Variants in CSE1L observed in about 807,000 individuals in gnomAD.
CSE1L encodes the protein chromosome segregation 1 like.
CSE1L carries 24 observed loss-of-function variants against 120.4 expected under a neutral mutation model. The observed-to-expected ratio is 0.20, with a 90% CI of 0.14 to 0.28. CSE1L has a LOEUF of 0.28. Among genes scored for constraint, CSE1L ranks in the 10% least tolerant of loss-of-function variants. The pLI is 1.00. For missense variants in CSE1L, 830 were observed against 1,145.2 expected (o/e 0.72, Z 3.97); for synonymous variants, 402 against 398.3 (o/e 1.01, Z -0.11).
At position 49,076,520 on chromosome 20, in the gene CSE1L, C is replaced by CTTT. The variant is rs35713931; in HGVS notation, c.1336-435_1336-433dup. On this transcript the variant is annotated intron_variant, in intron 12 of 24. Coordinates refer to ENST00000262982, the MANE Select transcript of CSE1L (RefSeq NM_001316.4). ...CATGTTTTGAAGTGTCCCTCTCTCT[C>CTTT]TTTTTTTTTTTTTTTTTTTTTTTTT... 5.3e-3 allele frequency among the ~76,000 whole-genome samples: 423 copies of CTTT among 79,620 alleles called. 13 individuals carry two copies. Among genetic ancestry groups the CTTT allele is most frequent in the Middle Eastern group, 0.018 (2 of 112 alleles). 52.2% of individuals were successfully genotyped at this position (79,620 alleles called of 152,430 possible). A position where few individuals can be genotyped will look rare whatever the true frequency, so the allele number is the denominator to read the frequency against.
intron 1 of CSE1L, among the ~76,000 whole-genome samples, chr20:49,048,584 G>A (rs749925385): frequency 2.6e-5 from 4 of 152,156 alleles, no homozygotes; most frequent in Non-Finnish European, 5.9e-5. Context: ...AACATTCCAG[G>A]TAGAGGGAAT....
chr20:49,076,708 T>G (rs2091971313), intron 12 of CSE1L, among the ~76,000 whole-genome samples: 1 of 151,620 alleles, frequency 6.6e-6, no homozygotes, highest in Non-Finnish European at 1.5e-5. Context: ...TTTTTGTGTT[T>G]TTAGTAGAGA....
At chr20:49,047,512 T>TCC (rs2091724442) in intron 1 of CSE1L, among the ~76,000 whole-genome samples, 2 of 149,220 alleles carry the variant, frequency 1.3e-5, no homozygotes, top group South Asian at 4.3e-4. Flanking sequence ...ACCTTAGGCC[T>TCC]CCCCTAACCA....
At chr20:49,086,440 A>G (rs558235258) in intron 16 of CSE1L, among the ~76,000 whole-genome samples, 71 of 131,926 alleles carry the variant, frequency 5.4e-4, no homozygotes, top group Non-Finnish European at 8.9e-4. Flanking sequence ...ATCTCAGCTC[A>G]CTGCAGCCTC....
chr20:49,054,359 G>C (rs1353836260), intron 1 of CSE1L, among the ~76,000 whole-genome samples: 1 of 152,084 alleles, frequency 6.6e-6, no homozygotes, highest in East Asian at 1.9e-4. Context: ...TTATTTTCTG[G>C]CTCCCCACCG....
intron 12 of CSE1L, 48 bp downstream of exon 12, chr20:49,075,568 A>G (rs755811765): frequency 6.8e-7 from 1 of 1,463,576 alleles, no homozygotes; most frequent in Non-Finnish European, 9.5e-7. Context: ...CATCAGTGAC[A>G]CCCACACAAG....
At chr20:49,062,500 A>AT (rs1317834919) in intron 2 of CSE1L, among the ~76,000 whole-genome samples, 1 of 152,104 alleles carries the variant, frequency 6.6e-6, no homozygotes, top group Non-Finnish European at 1.5e-5. Context: ...CTATTGGTAA[A>AT]TTTTTTGGAT....
chr20:49,062,148 GCTA>G (rs1461320141), intron 2 of CSE1L, among the ~76,000 whole-genome samples: 1 of 152,090 alleles, frequency 6.6e-6, no homozygotes, highest in Non-Finnish European at 1.5e-5. Flanking sequence ...CAAAATGCTG[GCTA>G]CTAAGTGGAG....
At chr20:49,047,041 C>T (rs1172803127) in intron 1 of CSE1L, among the ~76,000 whole-genome samples, 1 of 152,236 alleles carries the variant, frequency 6.6e-6, no homozygotes, top group Non-Finnish European at 1.5e-5. Context: ...CTAGTCGGTA[C>T]ACCCGGGACA....
chr20:49,058,021 T>A (rs1294440351), intron 1 of CSE1L, among the ~76,000 whole-genome samples: 1 of 152,140 alleles, frequency 6.6e-6, no homozygotes, highest in Non-Finnish European at 1.5e-5. Context: ...TCCACCCACC[T>A]CAGCCTCCCA....
At chr20:49,076,511 C>T (rs1568777514) in intron 12 of CSE1L, among the ~76,000 whole-genome samples, 1 of 144,932 alleles carries the variant, frequency 6.9e-6, no homozygotes. Context: ...TTGAAGTGTC[C>T]CTCTCTCTCT....
chr20:49,058,324 C>A (rs935687683), intron 1 of CSE1L, 129 bp from the exon 2 acceptor site: 37 of 520,440 alleles, frequency 7.1e-5, no homozygotes, highest in Non-Finnish European at 1.2e-4. Flanking sequence ...GTCAGGTTTA[C>A]TGCCCATATA....
At chr20:49,083,739 A>T (rs1421714576) in intron 14 of CSE1L, among the ~76,000 whole-genome samples, 2 of 152,180 alleles carry the variant, frequency 1.3e-5, no homozygotes, top group Non-Finnish European at 2.9e-5. Context: ...AGTTTGGTGA[A>T]ATCTTAGTCT....
rs371580850 is a variant in CSE1L, at chr20:49,048,637, G to C, written c.-12+2214G>C. On this transcript the variant is annotated intron_variant, in intron 1 of 24. Transcript: ENST00000262982. The stretch of plus-strand genomic sequence containing the variant: ...AGGACAGGAACCGGCTTGGAATATT[G>C]AAATATTTAAGGAATATCTTAGGTT... 5.9e-5 allele frequency among the ~76,000 whole-genome samples: 9 copies of C among 152,256 alleles called. No individual in the cohort carries two copies. In the South Asian group the frequency reaches 1.9e-3, roughly 32 times the overall value.
At chr20:49,065,355 C>T (rs2091884249) in intron 3 of CSE1L, among the ~76,000 whole-genome samples, 2 of 66,126 alleles carry the variant, frequency 3.0e-5, no homozygotes, top group South Asian at 1.1e-3. Context: ...GGGAGTCTTG[C>T]TCTGTTGCCC....
intron 1 of CSE1L, among the ~76,000 whole-genome samples, chr20:49,057,823 G>A (rs1190897901): frequency 1.3e-5 from 2 of 152,072 alleles, no homozygotes; most frequent in African/African-American, 4.8e-5. Flanking sequence ...GTAGAGACGG[G>A]ATTTTACCAT....
At chr20:49,093,522 G>T (rs184918946) in intron 22 of CSE1L, among the ~76,000 whole-genome samples, 158 of 150,880 alleles carry the variant, frequency 1.0e-3, no homozygotes, top group African/African-American at 3.6e-3. Context: ...AGTTGTTTCT[G>T]GGTGGTGGGA....
At chr20:49,087,798 G>T (rs888873515) in intron 16 of CSE1L, among the ~76,000 whole-genome samples, 2 of 151,960 alleles carry the variant, frequency 1.3e-5, no homozygotes, top group Non-Finnish European at 2.9e-5. Flanking sequence ...GAAATACTCA[G>T]TATTTCCCAG....
chr20:49,094,699 G>A (rs746610137), intron 23 of CSE1L, 33 bp from the exon 24 acceptor site: 23 of 1,471,480 alleles, frequency 1.6e-5, no homozygotes, highest in Non-Finnish European at 2.1e-5. Flanking sequence ...GTATTTTCTT[G>A]ACCTTTTTAT....
Sources: allele counts gnomAD v4.1 joint callset (sites outside exome capture counted in the v4.1 genomes callset), GRCh38; gene constraint gnomAD v4.1.1; transcripts MANE v1.5; gene names NCBI Gene and HGNC (gene_info 2026-07-23, HGNC 2026-07-21).